Variants in RBM17 observed in about 807,000 individuals in gnomAD.
The protein encoded by RBM17 is RNA binding motif protein 17.
In RBM17, 7 loss-of-function variants were observed where a neutral mutation model predicts 53.2. That is an observed-to-expected ratio of 0.13 (90% CI 0.07 to 0.25). RBM17 has a LOEUF of 0.25. Ranked by LOEUF, RBM17 falls within the 10% of genes least tolerant of loss-of-function variation. The probability of loss-of-function intolerance (pLI) is 1.00; values close to 1 mark genes in which losing one functional copy is unlikely to be tolerated. For missense variants in RBM17, 257 were observed against 496.7 expected, an observed-to-expected ratio of 0.52 and a Z score of 4.59; for synonymous variants, 167 against 178.1, an observed-to-expected ratio of 0.94 and a Z score of 0.50.
intron 1 of RBM17, among the ~76,000 whole-genome samples, chr10:6,090,499 G>A (rs1840466051): frequency 6.6e-6 from 1 of 152,190 alleles, no homozygotes; most frequent in Non-Finnish European, 1.5e-5. Flanking sequence ...GTGGAGCTCT[G>A]CGGAACCAAA....
At chr10:6,104,874 G>C in intron 3 of RBM17, 57 bp from the exon 4 acceptor site, 1 of 1,473,218 alleles carries the variant, frequency 6.8e-7, no homozygotes, top group Non-Finnish European at 9.4e-7. Flanking sequence ...CCTGAATCCT[G>C]TGAGTAAACT....
chr10:6,108,252 C>A (rs1489814059), intron 5 of RBM17, among the ~76,000 whole-genome samples: 1 of 152,112 alleles, frequency 6.6e-6, no homozygotes, highest in Non-Finnish European at 1.5e-5. Context: ...TCTGATCATT[C>A]TCTTATTTGT....
chr10:6,113,875 A>G (rs1157984364), intron 9 of RBM17, 174 bp from the exon 10 acceptor site: 2 of 598,598 alleles, frequency 3.3e-6, no homozygotes, highest in Admixed American at 3.1e-5. Context: ...CAGGCTTAAT[A>G]TATGTTTTAG....
In RBM17 at chr10:6,106,198, T is replaced by TGATGAA; in HGVS notation, c.475_480dup (p.Glu159_Asp160dup). The TGATGAA allele has an allele frequency of 6.2e-7, 1 of 1,613,708 alleles. No individual in the cohort carries two copies. The highest frequency in any genetic ancestry group is 8.5e-7 in the Non-Finnish European group (1 of 1,179,640). Reference sequence around the variant, plus strand: ...TTGCAAGGAGACCAGATCCAGATTCTGATGAAGATGAAGATTATGAGCGAG... The same window carrying TGATGAA: ...TTGCAAGGAGACCAGATCCAGATTCTGATGAAGATGAAGATGAAGATTATGAGCGAG... On this transcript the variant is annotated inframe_insertion, in exon 5 of 12. Transcript: ENST00000379888.
intron 2 of RBM17, among the ~76,000 whole-genome samples, chr10:6,098,556 G>GGTTTTTGTTTTT (rs1840613398): frequency 1.0e-3 from 88 of 87,928 alleles, no homozygotes; most frequent in East Asian, 1.4e-3. Flanking sequence ...TAATACACAG[G>GGTTTTTGTTTTT]TTTTTTGTTT....
chr10:6,105,024 G>C lies in RBM17; in HGVS notation c.334G>C (p.Val112Leu), dbSNP rs771365351. The change falls in exon 4 of 12, where the codon GTG becomes CTG. Residue 112 changes from valine to leucine, a missense_variant. By Grantham distance (32) the Val-to-Leu change is conservative (BLOSUM62 1). This residue lies in a region of RBM17 where 127 missense variants were observed against 217.2 expected (regional missense o/e 0.58). Coordinates refer to ENST00000379888, the MANE Select transcript of RBM17 (RefSeq NM_032905.5). Reference protein sequence around the residue: ...PMFPNDYEKVVKRQREERQRQ... With the variant: ...PMFPNDYEKVLKRQREERQRQ... ...GTTTCCTAATGATTATGAGAAAGTA[G>C]TGAAGCGCCAAAGAGAGGAACGACA... The C allele has an allele frequency of 6.2e-7, 1 of 1,614,118 alleles. No homozygotes were observed. The highest frequency in any genetic ancestry group is 1.7e-5 in the Admixed American group (1 of 60,024).
chr10:6,107,662 A>G (rs1471937211), intron 5 of RBM17, among the ~76,000 whole-genome samples: 1 of 150,986 alleles, frequency 6.6e-6, no homozygotes, highest in Non-Finnish European at 1.5e-5. Context: ...TTGCATTTTT[A>G]GTAGAGATGG....
intron 5 of RBM17, among the ~76,000 whole-genome samples, chr10:6,107,295 G>C (rs1318276178): frequency 6.6e-6 from 1 of 151,468 alleles, no homozygotes; most frequent in Non-Finnish European, 1.5e-5. Context: ...CTCTTGCCTC[G>C]GCCTCCAGAG....
chr10:6,113,654 C>T, intron 9 of RBM17, 73 bp downstream of exon 9: 1 of 978,848 alleles, frequency 1.0e-6, no homozygotes, highest in Non-Finnish European at 1.6e-6. Context: ...CCCTGCTCCC[C>T]CTAAAAGTTA....
intron 5 of RBM17, among the ~76,000 whole-genome samples, chr10:6,108,117 C>A (rs1840782271): frequency 6.6e-6 from 1 of 152,092 alleles, no homozygotes; most frequent in Non-Finnish European, 1.5e-5. Flanking sequence ...CCAGAAGGAC[C>A]CACGCTTTCA....
intron 10 of RBM17, 179 bp from the exon 11 acceptor site, chr10:6,115,060 C>T: frequency 1.7e-6 from 1 of 596,850 alleles, no homozygotes. Context: ...GTCATAAAAA[C>T]AGGCATTCAG....
At chr10:6,110,230 CCTTGGTGTGTGCAGGT>C in intron 7 of RBM17, 103 bp downstream of exon 7, 3 of 1,086,074 alleles carry the variant, frequency 2.8e-6, no homozygotes, top group Non-Finnish European at 3.9e-6. Context: ...CATTCAGGAC[CCTTGGTGTGTGCAGGT>C]CACACGGTAC....
chr10:6,101,398 G>C lies in RBM17; in HGVS notation c.240+11G>C. ...GCAGCTGGGCTGAAGGTAAGCCCGCGCCTGCCTGTGAGCTTGATACGTGTC... is the reference window on the plus strand; with the variant it reads ...GCAGCTGGGCTGAAGGTAAGCCCGCCCCTGCCTGTGAGCTTGATACGTGTC... On this transcript the variant is annotated intron_variant, in intron 3 of 11. Coordinates refer to ENST00000379888, the MANE Select transcript of RBM17 (RefSeq NM_032905.5). 3.2e-6 allele frequency: 5 copies of C among 1,550,532 alleles called. No homozygotes were observed. The highest frequency in any genetic ancestry group is 4.4e-6 in the Non-Finnish European group (5 of 1,125,566).
rs147565544 is a variant in RBM17, at chr10:6,099,812, C to T, written c.124-1459C>T. Among the ~76,000 whole-genome samples the T allele has an allele frequency of 7.1e-3, 1,087 of 152,246 alleles. 15 individuals carry two copies. Among genetic ancestry groups the T allele is most frequent in the African/African-American group, 0.025 (1,042 of 41,534 alleles). On this transcript the variant is annotated intron_variant, in intron 2 of 11. Coordinates refer to ENST00000379888, the MANE Select transcript of RBM17 (RefSeq NM_032905.5). Reference sequence around the variant, plus strand: ...GTGGCTCACACCTGTAATCCCAGCACTTTGGGAGGCCAAGGCGGGTGGATC... The same window carrying T: ...GTGGCTCACACCTGTAATCCCAGCATTTTGGGAGGCCAAGGCGGGTGGATC...
intron 2 of RBM17, among the ~76,000 whole-genome samples, chr10:6,098,416 A>T (rs931399268): frequency 6.6e-6 from 1 of 152,180 alleles, no homozygotes; most frequent in East Asian, 1.9e-4. Context: ...CTTCTAAACA[A>T]TTCAGTCCCG....
intron 6 of RBM17, among the ~76,000 whole-genome samples, chr10:6,109,311 A>G (rs976057809): frequency 1.1e-4 from 16 of 152,118 alleles, no homozygotes; most frequent in African/African-American, 3.9e-4. Flanking sequence ...CCATACTTAA[A>G]CTATCCCAAG....
intron 2 of RBM17, among the ~76,000 whole-genome samples, chr10:6,100,525 A>G (rs557341589): frequency 6.6e-6 from 1 of 152,336 alleles, no homozygotes; most frequent in Admixed American, 6.5e-5. Context: ...TAGAACAAAC[A>G]GCATTTTACA....
chr10:6,114,012 A>C (rs758847585), intron 9 of RBM17, 37 bp from the exon 10 acceptor site: 1 of 1,353,332 alleles, frequency 7.4e-7, no homozygotes, highest in South Asian at 1.2e-5. Flanking sequence ...TGTAAGTTAT[A>C]CTTGGTACTT....
chr10:6,106,841 G>A (rs542484895), intron 5 of RBM17, among the ~76,000 whole-genome samples: 40 of 152,234 alleles, frequency 2.6e-4, no homozygotes, highest in African/African-American at 9.1e-4. Context: ...GTTTGACCTT[G>A]TAGCTCATGA....
Sources: allele counts gnomAD v4.1 joint callset (sites outside exome capture counted in the v4.1 genomes callset), GRCh38; gene constraint gnomAD v4.1.1; regional missense constraint gnomAD v4.1.1; transcripts MANE v1.5; gene names NCBI Gene and HGNC (gene_info 2026-07-23, HGNC 2026-07-21).